TPX2: variants seen among roughly 807,000 people sequenced by gnomAD.
TPX2 encodes the protein TPX2 microtubule nucleation factor, also known as targeting protein for Xklp2.
A neutral mutation model predicts 93.6 loss-of-function variants in TPX2; 21 were observed. The observed-to-expected ratio is 0.22, with a 90% CI of 0.16 to 0.32. The LOEUF is 0.32. TPX2 is among the 10% of genes least tolerant of loss of function. The pLI, the probability that TPX2 is intolerant of heterozygous loss-of-function variation, is 1.00. For missense variants in TPX2, 776 were observed against 871.1 expected, an observed-to-expected ratio of 0.89 and a Z score of 1.37; for synonymous variants, 281 against 298.3, an observed-to-expected ratio of 0.94 and a Z score of 0.60.
rs995792780 is a variant in TPX2 at position 31,777,564 on chromosome 20, C to A, written c.808C>A (p.Gln270Lys). Residue 270 changes from glutamine (Q) to lysine (K), a missense_variant, in exon 9 of 18, where the codon CAA (glutamine) becomes AAA (lysine). Coordinates refer to ENST00000300403, the MANE Select transcript of TPX2 (RefSeq NM_012112.5). ...FHFRTDERIK[Q>K]HPKNQEEYKE... ...CTTCCGCACAGATGAGCGAATCAAA[C>A]AACATCCTAAGAACCAGGAGGAATA... 6.2e-7 allele frequency: 1 copy of A among 1,614,042 alleles called. No individual in the cohort carries two copies. Among genetic ancestry groups the A allele is most frequent in the African/African-American group, 1.3e-5 (1 of 74,942 alleles).
At chr20:31,776,048 G>C in intron 8 of TPX2, 60 bp downstream of exon 8, 1 of 329,168 alleles carries the variant, frequency 3.0e-6, no homozygotes, top group Admixed American at 7.2e-5. Flanking sequence ...CTCTTGGTAG[G>C]TGTTTTTTTT....
chr20:31,798,735 T>C (rs755254960), intron 17 of TPX2, among the ~76,000 whole-genome samples, 183 bp downstream of exon 17: 3 of 152,172 alleles, frequency 2.0e-5, no homozygotes, highest in Non-Finnish European at 4.4e-5. Context: ...AAGCTAACGA[T>C]GTGTACATTG....
Position 31,798,633 on chromosome 20 carries a change from A to T in TPX2, c.2133+81A>T, listed in dbSNP as rs963606232. 3.5e-6 allele frequency: 5 copies of T among 1,443,652 alleles called. No homozygotes were observed. The African/African-American group carries it at 7.2e-5, about 21-fold the overall frequency. 89.4% of individuals were successfully genotyped at this position (1,443,652 alleles called of 1,614,324 possible). A position where few individuals can be genotyped will look rare whatever the true frequency, so the allele number is the denominator to read the frequency against. ...TGTACCTTACCTTGTACCAGACAGG[A>T]TCTAAGGTAGCCCGCAAGGCTGTAC... On this transcript the variant is annotated intron_variant, in intron 17 of 17. Transcript: ENST00000300403.
In TPX2 at chr20:31,777,635, T is replaced by G. The variant is rs769144520; in HGVS notation, c.879T>G (p.Ser293=). The change falls in exon 9 of 18, where the codon TCT becomes TCG. Residue 293 remains serine (S), a synonymous_variant. Coordinates refer to ENST00000300403, the MANE Select transcript of TPX2 (RefSeq NM_012112.5). The stretch of plus-strand genomic sequence containing the variant: ...CTGAACTACGAAAGCATCCTTCATC[T>G]CCTGTAAGTTGATGGACTAAATGAA... ...FTSELRKHPS[S]PARVTKGCTI... 6.2e-7 allele frequency: 1 copy of G among 1,612,474 alleles called. No individual in the cohort carries two copies. Among genetic ancestry groups the G allele is most frequent in the South Asian group, 1.1e-5 (1 of 90,860 alleles).
intron 1 of TPX2, among the ~76,000 whole-genome samples, chr20:31,741,323 T>G (rs570123732): frequency 2.8e-4 from 42 of 152,072 alleles, no homozygotes; most frequent in African/African-American, 2.2e-4. Flanking sequence ...TTTTGTTTTT[T>G]TTTTTTGAGA....
chr20:31,767,965 TC>T (rs1220760762), intron 5 of TPX2, among the ~76,000 whole-genome samples: 1 of 151,544 alleles, frequency 6.6e-6, no homozygotes, highest in African/African-American at 2.4e-5. Context: ...AGGGTCTTGC[TC>T]TGTTGCCCAG....
chr20:31,789,970 G>A (rs6089070), intron 12 of TPX2, among the ~76,000 whole-genome samples: 26,617 of 152,168 alleles, frequency 0.17, 2,752 homozygotes, highest in Non-Finnish European at 0.22. Flanking sequence ...AGGCCTAGAA[G>A]GATATCTGAT....
At chr20:31,768,827 A>T (rs1368105403) in intron 5 of TPX2, among the ~76,000 whole-genome samples, 3 of 151,974 alleles carry the variant, frequency 2.0e-5, no homozygotes, top group Admixed American at 2.0e-4. Flanking sequence ...AATGGCCGAT[A>T]CACATGTGAA....
intron 2 of TPX2, among the ~76,000 whole-genome samples, chr20:31,749,873 C>A (rs2061807872): frequency 1.3e-5 from 2 of 151,766 alleles, no homozygotes; most frequent in African/African-American, 4.8e-5. Flanking sequence ...TAAGTCAATG[C>A]CCCAGGAATC....
intron 5 of TPX2, among the ~76,000 whole-genome samples, chr20:31,769,231 TTTTG>T (rs1342181549): frequency 6.6e-6 from 1 of 151,768 alleles, no homozygotes; most frequent in Non-Finnish European, 1.5e-5. Context: ...CCACAAAATT[TTTTG>T]TTTTTCTTCG....
chr20:31,787,583 A>AT (rs2062074761), intron 12 of TPX2, among the ~76,000 whole-genome samples: 1 of 152,156 alleles, frequency 6.6e-6, no homozygotes, highest in South Asian at 2.1e-4. Context: ...TCCAAAGATG[A>AT]TTTTGAGGGC....
chr20:31,784,172 A>C (rs1358756340), intron 12 of TPX2, among the ~76,000 whole-genome samples: 3 of 152,240 alleles, frequency 2.0e-5, no homozygotes, highest in Non-Finnish European at 4.4e-5. Flanking sequence ...ATAGGAATTC[A>C]GAGGAGAAAA....
At chr20:31,772,748 T>C (rs2061971599) in intron 7 of TPX2, among the ~76,000 whole-genome samples, 1 of 152,218 alleles carries the variant, frequency 6.6e-6, no homozygotes, top group South Asian at 2.1e-4. Flanking sequence ...GTTAATATTC[T>C]ATCAAAATAT....
chr20:31,792,932 T>C, intron 13 of TPX2, 102 bp downstream of exon 13: 1 of 1,042,396 alleles, frequency 9.6e-7, no homozygotes, highest in Non-Finnish European at 1.5e-6. Context: ...GCAACCACTC[T>C]TTTTTGGACT....
intron 2 of TPX2, among the ~76,000 whole-genome samples, chr20:31,755,557 A>G (rs1600359621): frequency 6.6e-6 from 1 of 150,376 alleles, no homozygotes; most frequent in Non-Finnish European, 1.5e-5. Flanking sequence ...TGAGGTCAGG[A>G]GTTTGAGACC....
intron 12 of TPX2, among the ~76,000 whole-genome samples, chr20:31,784,381 G>A (rs1038176424): frequency 7.9e-5 from 12 of 152,108 alleles, no homozygotes; most frequent in African/African-American, 2.9e-4. Flanking sequence ...CCTTTAGGTG[G>A]GTTATTTTAT....
At chr20:31,748,435 A>G (rs1431804094) in intron 2 of TPX2, among the ~76,000 whole-genome samples, 1 of 152,188 alleles carries the variant, frequency 6.6e-6, no homozygotes, top group East Asian at 1.9e-4. Context: ...AGAGGAATCA[A>G]TGGATTTTTT....
chr20:31,785,017 AC>A (rs2062056883), intron 12 of TPX2, among the ~76,000 whole-genome samples: 1 of 152,144 alleles, frequency 6.6e-6, no homozygotes, highest in Non-Finnish European at 1.5e-5. Flanking sequence ...CCAATGTATT[AC>A]CTTTGACTGA....
chr20:31,792,958 G>A (rs2062112189), intron 13 of TPX2, 128 bp downstream of exon 13: 1 of 791,996 alleles, frequency 1.3e-6, no homozygotes, highest in South Asian at 1.7e-5. Context: ...TTAAGAATGG[G>A]TATGAACATT....
Sources: gnomAD v4.1 joint callset for allele counts (sites outside exome capture counted in the v4.1 genomes callset) on GRCh38, gnomAD v4.1.1 for gene constraint, MANE v1.5 for transcripts, NCBI Gene and HGNC (gene_info 2026-07-23, HGNC 2026-07-21) for gene names.